CNBD1: variants seen among roughly 807,000 people sequenced by gnomAD.
CNBD1 encodes the protein cyclic nucleotide-binding domain-containing protein 1.
In CNBD1, 71 loss-of-function variants were observed where a neutral mutation model predicts 54.4. That is an observed-to-expected ratio of 1.30 (90% confidence interval 1.08 to 1.59). The LOEUF (loss-of-function observed/expected upper bound fraction) is 1.59. Ranked by LOEUF, CNBD1 falls within the 40% of genes most tolerant of loss-of-function variation. The probability of loss-of-function intolerance (pLI) is 0.00; values close to 1 mark genes in which losing one functional copy is unlikely to be tolerated. For missense variants in CNBD1, 659 were observed against 518.0 expected (o/e 1.27, Z -2.64); for synonymous variants, 182 against 170.7 (o/e 1.07, Z -0.51).
chr8:86,994,324 G>C (rs1029594180), intron 4 of CNBD1, among the ~76,000 whole-genome samples: 1 of 152,238 alleles, frequency 6.6e-6, no homozygotes, highest in Non-Finnish European at 1.5e-5. Context: ...TCTGTGATGT[G>C]CACAAAAGGC....
intron 8 of CNBD1, among the ~76,000 whole-genome samples, chr8:87,318,203 A>C (rs2130896756): frequency 6.6e-6 from 1 of 151,750 alleles, no homozygotes; most frequent in South Asian, 2.1e-4. Context: ...CAGTTAATTA[A>C]TTTTTCTCTT....
chr8:87,288,916 A>T (rs1808740427), intron 8 of CNBD1, among the ~76,000 whole-genome samples: 1 of 152,116 alleles, frequency 6.6e-6, no homozygotes, highest in Non-Finnish European at 1.5e-5. Context: ...TTTTATAAAT[A>T]AATATACCTA....
intron 2 of CNBD1, among the ~76,000 whole-genome samples, chr8:87,389,205 C>A (rs1047265003): frequency 2.6e-5 from 4 of 152,144 alleles, no homozygotes; most frequent in Admixed American, 6.5e-5. Flanking sequence ...CAGGGATGCC[C>A]TCTCTCACCG....
intron 8 of CNBD1, among the ~76,000 whole-genome samples, chr8:87,315,068 A>G (rs1366574951): frequency 3.3e-5 from 5 of 152,096 alleles, no homozygotes; most frequent in African/African-American, 1.2e-4. Context: ...CTTTCAAAAT[A>G]CTGAGAGATT....
At chr8:86,911,546 T>C (rs1422685321) in intron 3 of CNBD1, among the ~76,000 whole-genome samples, 2 of 152,186 alleles carry the variant, frequency 1.3e-5, no homozygotes, top group Admixed American at 1.3e-4. Context: ...AATCAAATCA[T>C]GGTAGTTGAA....
chr8:86,871,277 ATC>A (rs1330390376), intron 1 of CNBD1, among the ~76,000 whole-genome samples: 1 of 152,216 alleles, frequency 6.6e-6, no homozygotes, highest in Non-Finnish European at 1.5e-5. Context: ...CTACTGCTCT[ATC>A]TGCCTATATC....
At chr8:87,208,099 C>A (rs1314867621) in intron 5 of CNBD1, among the ~76,000 whole-genome samples, 2 of 152,104 alleles carry the variant, frequency 1.3e-5, no homozygotes, top group African/African-American at 4.8e-5. Context: ...TCTAGTAGCC[C>A]CTCATCACCA....
chr8:87,241,197 A>T (rs1807695275), intron 6 of CNBD1, among the ~76,000 whole-genome samples: 1 of 151,830 alleles, frequency 6.6e-6, no homozygotes, highest in South Asian at 2.1e-4. Flanking sequence ...CATTTGAGAC[A>T]GTAGTTGAAA....
chr8:87,030,667 C>G (rs1563441738), intron 4 of CNBD1, among the ~76,000 whole-genome samples: 1 of 152,118 alleles, frequency 6.6e-6, no homozygotes, highest in Non-Finnish European at 1.5e-5. Context: ...TGTATCATTA[C>G]TGTTCTTAGT....
At chr8:87,399,359 T>C (rs1811460050) in intron 2 of CNBD1, among the ~76,000 whole-genome samples, 1 of 152,038 alleles carries the variant, frequency 6.6e-6, no homozygotes, top group Non-Finnish European at 1.5e-5. Flanking sequence ...ACTAGGACCT[T>C]TCCTGAGTCT....
chr8:87,278,834 C>T (rs1391836421), intron 6 of CNBD1, among the ~76,000 whole-genome samples: 1 of 151,244 alleles, frequency 6.6e-6, no homozygotes, highest in African/African-American at 2.4e-5. Flanking sequence ...AAATAAAATA[C>T]ATCAGAAGAA....
At chr8:87,021,186 A>G (rs1809480922) in intron 4 of CNBD1, among the ~76,000 whole-genome samples, 1 of 152,224 alleles carries the variant, frequency 6.6e-6, no homozygotes, top group East Asian at 1.9e-4. Context: ...CCTGACGGCT[A>G]TGTCATGGGC....
intron 4 of CNBD1, among the ~76,000 whole-genome samples, chr8:87,193,471 A>G (rs1391027018): frequency 6.6e-6 from 1 of 152,218 alleles, no homozygotes; most frequent in Admixed American, 6.5e-5. Context: ...TGAATGAATC[A>G]GTTTCATCCC....
rs1812889368 is a variant in CNBD1 at position 87,163,032 on chromosome 8, A to T, written c.432-42961A>T. Among the ~76,000 whole-genome samples, 2 of 151,962 alleles carry T rather than the reference A, an allele frequency of 1.3e-5. No homozygotes were observed. The highest frequency in any genetic ancestry group is 4.1e-4 in the South Asian group (2 of 4,826). ...GTCCTCCAAAAGATGTAGCTTTCAAAGCACCATTTTGGGGGCAGAGAGAGC... is the reference window on the plus strand; with the variant it reads ...GTCCTCCAAAAGATGTAGCTTTCAATGCACCATTTTGGGGGCAGAGAGAGC... On this transcript the variant is annotated intron_variant, in intron 4 of 10. Transcript: ENST00000518476. This position sits in a 1 kb window ranked among gnomAD's most constrained non-coding sequence, Gnocchi z 4.5.
chr8:87,258,697 C>A (rs1357746302), intron 6 of CNBD1, among the ~76,000 whole-genome samples: 2 of 152,118 alleles, frequency 1.3e-5, no homozygotes, highest in Non-Finnish European at 2.9e-5. Flanking sequence ...TTTCAGTAAA[C>A]CTTGTATACA....
At chr8:87,160,453 C>G (rs1812832842) in intron 4 of CNBD1, among the ~76,000 whole-genome samples, 1 of 152,052 alleles carries the variant, frequency 6.6e-6, no homozygotes, top group Non-Finnish European at 1.5e-5. Flanking sequence ...TAGAAATTCT[C>G]TATGACTTCG....
At chr8:87,159,296 T>C (rs1157621265) in intron 4 of CNBD1, among the ~76,000 whole-genome samples, 1 of 152,168 alleles carries the variant, frequency 6.6e-6, no homozygotes, top group East Asian at 1.9e-4. Flanking sequence ...ATTGTTTTAG[T>C]TCAGCCCTAA....
At chr8:86,942,241 C>G (rs1041467821) in intron 4 of CNBD1, among the ~76,000 whole-genome samples, 10 of 152,092 alleles carry the variant, frequency 6.6e-5, no homozygotes, top group East Asian at 1.9e-4. Context: ...ATAGCACATG[C>G]CTTTTCTCTC....
intron 4 of CNBD1, among the ~76,000 whole-genome samples, chr8:87,186,907 C>T (rs540717263): frequency 6.8e-4 from 103 of 151,962 alleles, no homozygotes; most frequent in Non-Finnish European, 1.0e-3. Flanking sequence ...GCTGATCTGT[C>T]GTAGCATTAA....
Sources: gnomAD v4.1 joint callset for allele counts (sites outside exome capture counted in the v4.1 genomes callset) on GRCh38, gnomAD v4.1.1 for gene constraint, Gnocchi (gnomAD v3.1) non-coding constraint, MANE v1.5 for transcripts, NCBI Gene and HGNC (gene_info 2026-07-23, HGNC 2026-07-21) for gene names.